The following CCDC15 variants were observed in gnomAD, a reference collection of about 807,000 sequenced individuals.
The protein encoded by CCDC15 is coiled-coil domain-containing protein 15.
A neutral mutation model predicts 114.5 loss-of-function variants in CCDC15; 105 were observed. The observed-to-expected ratio is 0.92, with a 90% confidence interval of 0.78 to 1.08. The LOEUF (loss-of-function observed/expected upper bound fraction) is 1.08. Ranked by LOEUF, CCDC15 falls within the 50% of genes least tolerant of loss-of-function variation. CCDC15 has a pLI of 0.00. For synonymous variants in CCDC15, 334 were observed against 377.8 expected, an observed-to-expected ratio of 0.88 and a Z score of 1.34; for missense variants, 1,105 against 1,093.6, an observed-to-expected ratio of 1.01 and a Z score of -0.15.
chr11:125,000,235 T>A, intron 11 of CCDC15, among the ~76,000 whole-genome samples: 1 of 152,166 alleles, frequency 6.6e-6, no homozygotes, highest in South Asian at 2.1e-4. Flanking sequence ...ATCTTTTATT[T>A]GTTTGTTTGT....
intron 13 of CCDC15, among the ~76,000 whole-genome samples, chr11:125,023,655 A>C (rs1254913354): frequency 6.6e-6 from 1 of 152,202 alleles, no homozygotes. Context: ...AGTTTTGGTG[A>C]GTATGTGGAG....
In CCDC15 at chr11:124,954,860, G is replaced by C. The variant is rs1248843282; in HGVS notation, c.128G>C (p.Gly43Ala). ...AERNEAIVPVGAWVEPASPGS... is the reference protein window; with the variant it reads ...AERNEAIVPVAAWVEPASPGS... ...AGGAACGAGGCTATAGTACCAGTTG[G>C]GGCATGGGTGGAACCTGCCTCACCA... The change falls in exon 2 of 16, where the codon GGG becomes GCG. Residue 43 changes from glycine to alanine, a missense_variant. Coordinates refer to ENST00000344762, the MANE Select transcript of CCDC15 (RefSeq NM_025004.3). 2 of 1,613,894 alleles carry C rather than the reference G, an allele frequency of 1.2e-6. No individual in the cohort carries two copies. Among genetic ancestry groups the C allele is most frequent in the East Asian group, 2.2e-5 (1 of 44,894 alleles).
chr11:125,029,738 G>A (rs1360139327), intron 13 of CCDC15, among the ~76,000 whole-genome samples: 1 of 152,194 alleles, frequency 6.6e-6, no homozygotes, highest in Non-Finnish European at 1.5e-5. Flanking sequence ...TCCTGGTGGA[G>A]TGACCCAAAC....
chr11:125,039,808 C>T (rs1009418449), intron 15 of CCDC15, among the ~76,000 whole-genome samples: 12 of 143,694 alleles, frequency 8.4e-5, no homozygotes, highest in Admixed American at 8.1e-4. Context: ...TTCTCTCTGG[C>T]TCTGGGCCCT....
chr11:124,964,171 C>A (rs1947724692), intron 4 of CCDC15, among the ~76,000 whole-genome samples: 1 of 152,100 alleles, frequency 6.6e-6, no homozygotes, highest in South Asian at 2.1e-4. Flanking sequence ...TTTTCCAGTT[C>A]TGTGAAGAAA....
rs1435457304 is a variant in CCDC15 at position 124,975,229 on chromosome 11, A to G, written c.630+20A>G. The G allele has an allele frequency of 1.5e-5, 21 of 1,401,494 alleles. No individual in the cohort carries two copies. The highest frequency in any genetic ancestry group is 2.1e-5 in the Non-Finnish European group (21 of 1,023,360). The allele number at this position is 1,401,494 out of a possible 1,614,324, so 86.8% of individuals were successfully genotyped here. On this transcript the variant is annotated intron_variant, in intron 5 of 15. Transcript: ENST00000344762. ...AGAGAGGTAAATTAATTTCTAATAC[A>G]TGATTTAAAAAAATACAGGTAAAAA...
At chr11:124,981,458 C>T (rs1948071396) in intron 6 of CCDC15, among the ~76,000 whole-genome samples, 1 of 151,524 alleles carries the variant, frequency 6.6e-6, no homozygotes, top group Non-Finnish European at 1.5e-5. Flanking sequence ...GATTCTCCTG[C>T]CTCAGCCTCC....
At chr11:124,990,568 T>A (rs915023304) in intron 8 of CCDC15, among the ~76,000 whole-genome samples, 19 of 152,162 alleles carry the variant, frequency 1.2e-4, no homozygotes, top group Admixed American at 5.2e-4. Context: ...AGATCCATAC[T>A]TGGAAAAAAT....
At chr11:124,989,997 A>G (rs977008492) in intron 8 of CCDC15, among the ~76,000 whole-genome samples, 1 of 152,214 alleles carries the variant, frequency 6.6e-6, no homozygotes, top group Non-Finnish European at 1.5e-5. Flanking sequence ...GCATTCACAC[A>G]GGGCTGTTTG....
At chr11:125,030,271 G>T (rs1327993307) in intron 13 of CCDC15, among the ~76,000 whole-genome samples, 3 of 152,108 alleles carry the variant, frequency 2.0e-5, no homozygotes, top group East Asian at 3.9e-4. Flanking sequence ...CTTTGCCCCA[G>T]CCCTGCAAAG....
rs1384776898 is a variant in CCDC15 at position 124,986,696 on chromosome 11, T to TGCGC, written c.754-45_754-44insCGCG. On this transcript the variant is annotated intron_variant, in intron 6 of 15. Coordinates refer to ENST00000344762, the MANE Select transcript of CCDC15 (RefSeq NM_025004.3). ...GTGTGTGTGTGTGTGTGTGTTTGTG[T>TGCGC]GTGTGCGCGCGCGCGCGTGCGCGTT... is the stretch of plus-strand genomic sequence containing the variant. 13 of 1,440,952 alleles carry TGCGC rather than the reference T, an allele frequency of 9.0e-6. No homozygotes were observed. The African/African-American group carries it at 1.6e-4, about 18-fold the overall frequency. 89.3% of individuals were successfully genotyped at this position (1,440,952 alleles called of 1,614,324 possible). A position where few individuals can be genotyped will look rare whatever the true frequency, so the allele number is the denominator to read the frequency against.
intron 9 of CCDC15, 60 bp from the exon 10 acceptor site, chr11:124,992,520 G>T: frequency 1.1e-6 from 1 of 937,478 alleles, no homozygotes; most frequent in East Asian, 2.6e-5. Flanking sequence ...ATGATATTAT[G>T]ATTAGCATTA....
At chr11:125,012,162 T>A (rs1227198650) in intron 13 of CCDC15, among the ~76,000 whole-genome samples, 1 of 152,142 alleles carries the variant, frequency 6.6e-6, no homozygotes, top group Non-Finnish European at 1.5e-5. Context: ...GAGTAAAGAA[T>A]TCCAGGGGCC....
chr11:124,958,655 T>A (rs1947597966), intron 2 of CCDC15, among the ~76,000 whole-genome samples: 1 of 152,148 alleles, frequency 6.6e-6, no homozygotes, highest in Non-Finnish European at 1.5e-5. Context: ...TGAGAGGTGT[T>A]ATAGCATAAG....
intron 4 of CCDC15, among the ~76,000 whole-genome samples, chr11:124,967,821 T>C (rs1388043691): frequency 6.6e-6 from 1 of 152,216 alleles, no homozygotes; most frequent in Non-Finnish European, 1.5e-5. Context: ...AGTTTTGGTG[T>C]GGATGTCCTT....
intron 11 of CCDC15, among the ~76,000 whole-genome samples, chr11:124,996,922 C>T (rs1948382296): frequency 6.6e-6 from 1 of 152,106 alleles, no homozygotes; most frequent in South Asian, 2.1e-4. Context: ...TTTTGATTAC[C>T]CATTTATCCA....
intron 13 of CCDC15, among the ~76,000 whole-genome samples, chr11:125,033,147 T>C (rs1418771444): frequency 6.6e-6 from 1 of 152,224 alleles, no homozygotes; most frequent in African/African-American, 2.4e-5. Context: ...TGAGGGGCCA[T>C]GATTCTCTGT....
chr11:125,008,871 C>T (rs1406231868), intron 13 of CCDC15, among the ~76,000 whole-genome samples: 2 of 151,778 alleles, frequency 1.3e-5, no homozygotes, highest in Non-Finnish European at 2.9e-5. Context: ...AGAGCTCAAC[C>T]CCAGTTGTCT....
At chr11:125,030,270 A>G (rs1215611972) in intron 13 of CCDC15, among the ~76,000 whole-genome samples, 2 of 152,200 alleles carry the variant, frequency 1.3e-5, no homozygotes, top group African/African-American at 4.8e-5. Flanking sequence ...ACTTTGCCCC[A>G]GCCCTGCAAA....
Sources: allele counts gnomAD v4.1 joint callset (sites outside exome capture counted in the v4.1 genomes callset), GRCh38; gene constraint gnomAD v4.1.1; transcripts MANE v1.5; gene names NCBI Gene and HGNC (gene_info 2026-07-23, HGNC 2026-07-21).